INPP4B: variants seen among roughly 807,000 people sequenced by gnomAD.
INPP4B encodes inositol polyphosphate 4-phosphatase type II.
INPP4B carries 55 observed loss-of-function variants against 122.5 expected under a neutral mutation model. The observed-to-expected ratio is 0.45, with a 90% CI of 0.36 to 0.56. The LOEUF (loss-of-function observed/expected upper bound fraction) is 0.56, where lower values mean the gene tolerates loss of function less well. Ranked by LOEUF, INPP4B falls within the 20% of genes least tolerant of loss-of-function variation. INPP4B has a pLI of 0.00. For missense variants in INPP4B, 1,000 were observed against 1,097.7 expected (o/e 0.91, Z 1.26); for synonymous variants, 403 against 388.7 (o/e 1.04, Z -0.43).
chr4:142,810,233 C>T (rs1779342085), intron 1 of INPP4B, among the ~76,000 whole-genome samples: 1 of 150,002 alleles, frequency 6.7e-6, no homozygotes, highest in Non-Finnish European at 1.5e-5. Context: ...CTGGATTATA[C>T]AATTAAAATG....
At chr4:142,545,734 CAT>C (rs142488079) in intron 2 of INPP4B, among the ~76,000 whole-genome samples, 32,936 of 111,168 alleles carry the variant, frequency 0.3, 5,491 homozygotes, top group East Asian at 0.79. Flanking sequence ...TGTATATACA[CAT>C]ATATGTGTAT....
intron 2 of INPP4B, among the ~76,000 whole-genome samples, chr4:142,701,105 G>A (rs1170068978): frequency 5.3e-5 from 8 of 152,110 alleles, no homozygotes; most frequent in Non-Finnish European, 1.2e-4. Context: ...AGGAATCACA[G>A]AAAAGTTTAT....
In INPP4B at chr4:142,316,597, A is replaced by T. The variant is rs558830467; in HGVS notation, c.373-1835T>A. On this transcript the variant is annotated intron_variant, in intron 7 of 25. Transcript: ENST00000262992. ...GTACTATTATATACATTAATTTTTTAAAAAATTGACAGCCAAATAACATTT... is the reference window on the plus strand; with the variant it reads ...GTACTATTATATACATTAATTTTTTTAAAAATTGACAGCCAAATAACATTT... 1.6e-4 allele frequency among the ~76,000 whole-genome samples: 25 copies of T among 152,280 alleles called. No homozygotes were observed. The South Asian group carries it at 2.3e-3, about 14-fold the overall frequency.
intron 2 of INPP4B, among the ~76,000 whole-genome samples, chr4:142,690,020 T>C (rs1759937726): frequency 1.3e-5 from 2 of 152,208 alleles, no homozygotes; most frequent in Admixed American, 1.3e-4. Context: ...CATGATGCAC[T>C]GTCCTGTATA....
chr4:142,071,061 G>T (rs1766969286), intron 25 of INPP4B, among the ~76,000 whole-genome samples: 1 of 152,142 alleles, frequency 6.6e-6, no homozygotes, highest in South Asian at 2.1e-4. Flanking sequence ...AAAGCTGGAG[G>T]CATCACGCTA....
chr4:142,556,481 G>A (rs542009646), intron 2 of INPP4B, among the ~76,000 whole-genome samples: 1 of 152,190 alleles, frequency 6.6e-6, no homozygotes, highest in African/African-American at 2.4e-5. Flanking sequence ...GAAAAAGATA[G>A]TTTAATACTT....
At chr4:142,800,921 G>A (rs1173953199) in intron 1 of INPP4B, among the ~76,000 whole-genome samples, 1 of 152,150 alleles carries the variant, frequency 6.6e-6, no homozygotes. Context: ...CAAAGGGACT[G>A]TCTGAGAGTC....
chr4:142,603,059 C>G (rs930834294), intron 2 of INPP4B, among the ~76,000 whole-genome samples: 1 of 152,056 alleles, frequency 6.6e-6, no homozygotes, highest in Non-Finnish European at 1.5e-5. Context: ...TAAAAAGGAA[C>G]AAGATCATGT....
At chr4:142,689,949 T>C (rs1260731193) in intron 2 of INPP4B, among the ~76,000 whole-genome samples, 1 of 152,202 alleles carries the variant, frequency 6.6e-6, no homozygotes, top group Non-Finnish European at 1.5e-5. Context: ...GCAACGTAGA[T>C]AGATCGCAAC....
chr4:142,746,049 C>A (rs1010328625), intron 1 of INPP4B, among the ~76,000 whole-genome samples: 4 of 151,810 alleles, frequency 2.6e-5, no homozygotes, highest in African/African-American at 7.3e-5. Context: ...TTCTTTATTT[C>A]TTTATTAAGA....
At chr4:142,812,789 A>G (rs1779668969) in intron 1 of INPP4B, among the ~76,000 whole-genome samples, 1 of 152,178 alleles carries the variant, frequency 6.6e-6, no homozygotes, top group Non-Finnish European at 1.5e-5. Flanking sequence ...GGATGATAGA[A>G]TTTCCACCTT....
chr4:142,383,961 C>T, intron 7 of INPP4B: 1 of 625,056 alleles, frequency 1.6e-6, no homozygotes, highest in Non-Finnish European at 2.9e-6. Context: ...CATTAAGTTA[C>T]CATCGTGCAG....
At chr4:142,259,235 G>A (rs1272993022) in intron 11 of INPP4B, among the ~76,000 whole-genome samples, 4 of 150,692 alleles carry the variant, frequency 2.7e-5, no homozygotes, top group Non-Finnish European at 5.9e-5. Context: ...GGATAGCATT[G>A]GGAGATATAC....
intron 2 of INPP4B, among the ~76,000 whole-genome samples, chr4:142,470,169 A>G (rs1818556001): frequency 6.6e-6 from 1 of 152,038 alleles, no homozygotes; most frequent in South Asian, 2.1e-4. Flanking sequence ...CTACATAAAA[A>G]CTTCCCTAGT....
rs78589959 is a variant in INPP4B at position 142,845,728 on chromosome 4, CCGGCGGCGGCGGCGG to C, written c.-254+466_-254+480del. Among the ~76,000 whole-genome samples the C allele has an allele frequency of 1.9e-3, 287 of 151,438 alleles. 3 individuals are homozygous for C. Among genetic ancestry groups the C allele is most frequent in the East Asian group, 0.019 (95 of 5,088 alleles). On this transcript the variant is annotated intron_variant, in intron 1 of 25. Transcript: ENST00000262992. ...TATTCCTTAAGGACTTCTTCCCAGG[CCGGCGGCGGCGGCGG>C]CGGCGGCGGCGGCAGCTTGCGATCA...
chr4:142,290,394 G>A (rs1579616710), intron 9 of INPP4B, among the ~76,000 whole-genome samples: 1 of 151,756 alleles, frequency 6.6e-6, no homozygotes, highest in African/African-American at 2.4e-5. Flanking sequence ...TTTTAGTAGA[G>A]ATGGGGTTTC....
intron 2 of INPP4B, among the ~76,000 whole-genome samples, chr4:142,503,573 A>G (rs1161645743): frequency 6.6e-6 from 1 of 152,132 alleles, no homozygotes; most frequent in Non-Finnish European, 1.5e-5. Context: ...TGAAAATAAT[A>G]TCTTTCCCCT....
chr4:142,553,200 T>C (rs1360560027), intron 2 of INPP4B, among the ~76,000 whole-genome samples: 2 of 152,184 alleles, frequency 1.3e-5, no homozygotes, highest in African/African-American at 4.8e-5. Context: ...TCAGAAGCTC[T>C]TGTTTCCTCA....
intron 7 of INPP4B, among the ~76,000 whole-genome samples, chr4:142,328,185 C>T (rs139612564): frequency 1.3e-4 from 19 of 151,920 alleles, no homozygotes; most frequent in South Asian, 2.1e-4. Flanking sequence ...ACTCTTCTGA[C>T]GAAGAAAATA....
Sources: gnomAD v4.1 joint callset for allele counts (sites outside exome capture counted in the v4.1 genomes callset) on GRCh38, gnomAD v4.1.1 for gene constraint, MANE v1.5 for transcripts, NCBI Gene and HGNC (gene_info 2026-07-23, HGNC 2026-07-21) for gene names.